Variants in F13B observed in about 807,000 individuals in gnomAD.
F13B encodes the protein TGase.
Under a neutral mutation model 79.8 loss-of-function variants are expected in F13B, and 58 were observed. That is an observed-to-expected ratio of 0.73 (90% CI 0.59 to 0.90). F13B has a LOEUF of 0.90. Ranked by LOEUF, F13B falls within the 40% of genes least tolerant of loss-of-function variation. The pLI is 0.00. For missense variants in F13B, 773 were observed against 777.0 expected (o/e 0.99, Z 0.06); for synonymous variants, 283 against 260.3 (o/e 1.09, Z -0.84).
chr1:197,044,007 G>A (rs17514403), intron 10 of F13B, among the ~76,000 whole-genome samples: 1,909 of 151,756 alleles, frequency 0.013, 20 homozygotes, highest in Non-Finnish European at 0.021. Flanking sequence ...GCTGCAGACC[G>A]GAGCTGTTCC....
chr1:197,055,881 A>G lies in F13B; in HGVS notation c.1188T>C (p.Cys396=), dbSNP rs745659700. Residue 396 remains cysteine (C), a synonymous_variant, in exon 8 of 12, where the codon TGT becomes TGC. Coordinates refer to ENST00000367412, the MANE Select transcript of F13B (RefSeq NM_001994.3). ...PPECVENNEN[C]KHPPVVMNGA... The stretch of plus-strand genomic sequence containing the variant: ...CATTCATTACAACAGGAGGATGCTT[A>G]CAATTCTCATTATTTTCTAAGAAAA... 8.7e-6 allele frequency: 14 copies of G among 1,613,448 alleles called. No individual in the cohort carries two copies. In the Admixed American group the frequency reaches 2.3e-4, roughly 27 times the overall value.
chr1:197,052,315 C>T (rs998852893), intron 9 of F13B, among the ~76,000 whole-genome samples: 1 of 152,038 alleles, frequency 6.6e-6, no homozygotes, highest in Admixed American at 6.6e-5. Flanking sequence ...TGCTTTTACA[C>T]TGCTGATGGG....
In F13B at chr1:197,062,990, GCTTTTAA is replaced by G; in HGVS notation, c.125_131del (p.Phe42SerfsTer6). The G allele has an allele frequency of 6.2e-7, 1 of 1,613,606 alleles. No homozygotes were observed. The highest frequency in any genetic ancestry group is 8.5e-7 in the Non-Finnish European group (1 of 1,179,712). ...TGTCTATGCTCATTGGAAAGTAAAA[GCTTTTAA>G]AAGTATAGTAATATTGGGCAATTCT... is the stretch of plus-strand genomic sequence containing the variant. On this transcript the variant is annotated frameshift_variant, in exon 2 of 12. Transcript: ENST00000367412. LOFTEE classifies it high-confidence loss of function.
intron 11 of F13B, 129 bp from the exon 12 acceptor site, chr1:197,039,540 TCTTA>T (rs1372752851): frequency 8.6e-6 from 6 of 694,290 alleles, no homozygotes; most frequent in Non-Finnish European, 2.5e-6. Flanking sequence ...GAATAAATGA[TCTTA>T]CTTAGTAAAT....
intron 10 of F13B, 40 bp downstream of exon 10, chr1:197,050,657 A>G: frequency 1.3e-6 from 2 of 1,567,036 alleles, no homozygotes; most frequent in Non-Finnish European, 1.8e-6. Context: ...TTAAAAATAT[A>G]TAGTTTTACT....
At chr1:197,039,559 C>T (rs1654960808) in intron 11 of F13B, 148 bp from the exon 12 acceptor site, 1 of 618,088 alleles carries the variant, frequency 1.6e-6, no homozygotes, top group African/African-American at 1.9e-5. Context: ...GTAAATAATA[C>T]CACCAGTTCC....
chr1:197,056,886 G>A (rs1179441482), intron 7 of F13B, 127 bp downstream of exon 7: 1 of 837,192 alleles, frequency 1.2e-6, no homozygotes, highest in Non-Finnish European at 1.9e-6. Flanking sequence ...AAGAGTAGGT[G>A]CTGTAGCAAT....
At chr1:197,052,949 ATAAT>A (rs1655502001) in intron 8 of F13B, 115 bp from the exon 9 acceptor site, 1 of 690,442 alleles carries the variant, frequency 1.4e-6, no homozygotes, top group Non-Finnish European at 2.4e-6. Flanking sequence ...AATTGAAATC[ATAAT>A]TAAGGCTTCT....
chr1:197,046,992 C>G (rs1228452751), intron 10 of F13B, among the ~76,000 whole-genome samples: 5 of 152,060 alleles, frequency 3.3e-5, no homozygotes, highest in Non-Finnish European at 7.4e-5. Context: ...TTCCTTATAC[C>G]TTATACAAAA....
chr1:197,050,659 A>C, intron 10 of F13B, 38 bp downstream of exon 10: 1 of 1,571,230 alleles, frequency 6.4e-7, no homozygotes, highest in South Asian at 1.1e-5. Context: ...AAAAATATAT[A>C]GTTTTACTTT....
intron 10 of F13B, among the ~76,000 whole-genome samples, chr1:197,044,821 G>C (rs988916349): frequency 6.6e-6 from 1 of 152,130 alleles, no homozygotes; most frequent in African/African-American, 2.4e-5. Context: ...TCAGACCACA[G>C]TGCAATCAAA....
At chr1:197,042,170 C>A (rs1655060100) in intron 10 of F13B, among the ~76,000 whole-genome samples, 1 of 152,162 alleles carries the variant, frequency 6.6e-6, no homozygotes, top group Non-Finnish European at 1.5e-5. Flanking sequence ...CTTTCTTCAA[C>A]AACTACTTAT....
Position 197,060,503 on chromosome 1 carries a change from T to G in F13B, c.668A>C (p.Tyr223Ser). The change falls in exon 5 of 12, where the codon TAT becomes TCT. Residue 223 changes from tyrosine (Y) to serine (S), a missense_variant. By Grantham distance (144) the Tyr-to-Ser change is moderately radical. Coordinates refer to ENST00000367412, the MANE Select transcript of F13B (RefSeq NM_001994.3). ...CSSLRLIENGYFHPVKQTYEE... is the reference protein window; with the variant it reads ...CSSLRLIENGSFHPVKQTYEE... ...ATAGGTTTGCTTTACAGGATGAAAA[T>G]AACCATTTTCAATTAATCTTAAAGA... The G allele has an allele frequency of 1.2e-6, 2 of 1,602,104 alleles. No homozygotes were observed. The highest frequency in any genetic ancestry group is 1.7e-6 in the Non-Finnish European group (2 of 1,173,694).
intron 1 of F13B, among the ~76,000 whole-genome samples, 176 bp from the exon 2 acceptor site, chr1:197,063,233 T>C (rs1412990076): frequency 6.6e-6 from 1 of 152,224 alleles, no homozygotes; most frequent in African/African-American, 2.4e-5. Flanking sequence ...TTATCATAAT[T>C]GATCTGCAAA....
chr1:197,042,655 CAAAAAAA>C (rs933019932), intron 10 of F13B, among the ~76,000 whole-genome samples: 2 of 72,436 alleles, frequency 2.8e-5, no homozygotes, highest in Non-Finnish European at 6.0e-5. Flanking sequence ...CCCATCTCTA[CAAAAAAA>C]AAAAAAAAAT....
At position 197,057,275 on chromosome 1, in the gene F13B, G is replaced by A. The variant is rs377192047; in HGVS notation, c.985+11C>T. 5.1e-5 allele frequency: 82 copies of A among 1,613,718 alleles called. No individual in the cohort carries two copies. The highest frequency in any genetic ancestry group is 8.3e-5 in the Admixed American group (5 of 59,942). On this transcript the variant is annotated intron_variant, in intron 6 of 11. Transcript: ENST00000367412. Reference sequence around the variant, plus strand: ...TTCATTTTAGCAAAGCTTCTTCAAGGTGTTACTAACCAATGCATTTTGGAG... The same window carrying A: ...TTCATTTTAGCAAAGCTTCTTCAAGATGTTACTAACCAATGCATTTTGGAG...
Position 197,055,806 on chromosome 1 carries a change from C to T in F13B, c.1263G>A (p.Val421=). The T allele has an allele frequency of 6.2e-7, 1 of 1,613,490 alleles. No individual in the cohort carries two copies. The highest frequency in any genetic ancestry group is 8.5e-7 in the Non-Finnish European group (1 of 1,179,720). ...AGTAATATTCATTGCATCTATATTC[C>T]ACTGAGGATCCTGTTGCATAGCTTG... ...ILASYATGSS[V]EYRCNEYYLL... The change falls in exon 8 of 12, where the codon GTG becomes GTA. Residue 421 remains valine, a synonymous_variant. Coordinates refer to ENST00000367412, the MANE Select transcript of F13B (RefSeq NM_001994.3).
At position 197,040,718 on chromosome 1, in the gene F13B, A is replaced by G; in HGVS notation, c.1756T>C (p.Phe586Leu). 6.2e-7 allele frequency: 1 copy of G among 1,611,038 alleles called. No homozygotes were observed. The highest frequency in any genetic ancestry group is 8.5e-7 in the Non-Finnish European group (1 of 1,177,900). Residue 586 changes from phenylalanine (F) to leucine (L), a missense_variant, in exon 11 of 12, where the codon TTT becomes CTT. Phe to Leu is a conservative substitution (Grantham distance 22, BLOSUM62 0). Transcript: ENST00000367412. ...AAATTATTCTTTTCCATTTCAGTAA[A>G]AGATAATGTGCATGGCTCTGGGAAC... is the stretch of plus-strand genomic sequence containing the variant. ...PLCLEPCTLS[F>L]TEMEKNNLLL...
At chr1:197,053,268 T>G (rs773724923) in intron 8 of F13B, among the ~76,000 whole-genome samples, 1 of 152,078 alleles carries the variant, frequency 6.6e-6, no homozygotes, top group African/African-American at 2.4e-5. Flanking sequence ...TTGTATAATT[T>G]GTGGCTGATA....
Sources: allele counts gnomAD v4.1 joint callset (sites outside exome capture counted in the v4.1 genomes callset), GRCh38; gene constraint gnomAD v4.1.1; transcripts MANE v1.5; gene names NCBI Gene and HGNC (gene_info 2026-07-23, HGNC 2026-07-21).